Variants in LINGO2 observed in about 807,000 individuals in gnomAD.
The protein encoded by LINGO2 is leucine rich repeat and Ig domain containing 2, also known as leucine-rich repeat and immunoglobulin-like domain-containing nogo receptor-interacting protein 2.
In LINGO2, 14 loss-of-function variants were observed where a neutral mutation model predicts 30.6. The ratio of observed to expected loss-of-function variants is 0.46; its 90% CI spans 0.30 to 0.72. LINGO2 has a LOEUF of 0.72. Ranked by LOEUF, LINGO2 falls within the 30% of genes least tolerant of loss-of-function variation. The pLI is 0.07. For synonymous variants in LINGO2, 317 were observed against 288.5 expected (o/e 1.10, Z -1.00); for missense variants, 729 against 751.7 (o/e 0.97, Z 0.35).
At chr9:27,992,388 A>G (rs1233627617) in intron 5 of LINGO2, among the ~76,000 whole-genome samples, 3 of 152,168 alleles carry the variant, frequency 2.0e-5, no homozygotes. Context: ...GCACTTACAT[A>G]AAATTATTCA....
intron 4 of LINGO2, among the ~76,000 whole-genome samples, chr9:28,064,722 G>T (rs1291129634): frequency 6.6e-6 from 1 of 152,106 alleles, no homozygotes; most frequent in Non-Finnish European, 1.5e-5. Context: ...GAAGTAAACA[G>T]TTCCAGGCCC....
At chr9:28,957,150 C>A in the LINGO2 span, among the ~76,000 whole-genome samples, 1 of 152,074 alleles carries the variant, frequency 6.6e-6, no homozygotes, top group Non-Finnish European at 1.5e-5. Flanking sequence ...ATTACTTAGT[C>A]TCTTTGGATA....
the LINGO2 span, among the ~76,000 whole-genome samples, chr9:28,796,626 C>A: frequency 6.6e-6 from 1 of 151,894 alleles, no homozygotes. Context: ...AAGACAAGAT[C>A]CACATCATGA....
At chr9:29,206,651 GC>G in the LINGO2 span, among the ~76,000 whole-genome samples, 5 of 152,062 alleles carry the variant, frequency 3.3e-5, no homozygotes, top group Non-Finnish European at 4.4e-5. Context: ...ATTTTGTATA[GC>G]CTTGGGAACA....
At chr9:28,276,478 T>G (rs1351029305) in intron 4 of LINGO2, among the ~76,000 whole-genome samples, 1 of 152,202 alleles carries the variant, frequency 6.6e-6, no homozygotes, top group East Asian at 1.9e-4. Context: ...TGTCACTTGC[T>G]AACATGCCCT....
chr9:28,163,354 G>A (rs1001785828), intron 4 of LINGO2, among the ~76,000 whole-genome samples: 1 of 152,104 alleles, frequency 6.6e-6, no homozygotes, highest in African/African-American at 2.4e-5. Flanking sequence ...ATGCCAAGAG[G>A]TTAGTAATAA....
At position 28,504,227 on chromosome 9, in the gene LINGO2, T is replaced by C. The variant is rs1465064885; in HGVS notation, c.-364-28202A>G. ...AACAATCATACTTCCATCATTTCTC[T>C]ATATTTTCCCACATACTTATATATT... On this transcript the variant is annotated intron_variant, in intron 1 of 5. Transcript: ENST00000379992. Among the ~76,000 whole-genome samples the C allele has an allele frequency of 2.6e-5, 4 of 152,076 alleles. No individual in the cohort carries two copies. In the East Asian group the frequency reaches 5.8e-4, roughly 22 times the overall value.
intron 4 of LINGO2, among the ~76,000 whole-genome samples, chr9:28,082,833 C>G (rs1270127221): frequency 6.6e-6 from 1 of 152,114 alleles, no homozygotes; most frequent in Non-Finnish European, 1.5e-5. Flanking sequence ...ATCTCATTAT[C>G]CTTCAGTCGG....
intron 4 of LINGO2, among the ~76,000 whole-genome samples, chr9:28,176,191 C>T (rs1828745405): frequency 6.6e-6 from 1 of 152,176 alleles, no homozygotes; most frequent in Admixed American, 6.5e-5. Context: ...TCACAGGAGG[C>T]TACTCTGTTA....
At chr9:28,503,383 A>G (rs951734730) in intron 1 of LINGO2, among the ~76,000 whole-genome samples, 1 of 152,080 alleles carries the variant, frequency 6.6e-6, no homozygotes, top group African/African-American at 2.4e-5. Flanking sequence ...TGTTTTCTTA[A>G]AAAGTCTATT....
chr9:28,961,964 C>T, the LINGO2 span, among the ~76,000 whole-genome samples: 1 of 152,142 alleles, frequency 6.6e-6, no homozygotes, highest in Non-Finnish European at 1.5e-5. Context: ...TGTATCATAA[C>T]CTTTGTTGCC....
chr9:28,799,301 A>G, the LINGO2 span, among the ~76,000 whole-genome samples: 10 of 152,076 alleles, frequency 6.6e-5, no homozygotes, highest in Admixed American at 6.6e-4. Context: ...GTCTAATGAT[A>G]TAAAATTCAA....
At chr9:28,935,360 T>A in the LINGO2 span, among the ~76,000 whole-genome samples, 1 of 152,096 alleles carries the variant, frequency 6.6e-6, no homozygotes, top group African/African-American at 2.4e-5. Flanking sequence ...CTTGGTGCAA[T>A]ACCCCATTAT....
intron 1 of LINGO2, among the ~76,000 whole-genome samples, chr9:28,478,847 T>G (rs1188223201): frequency 6.6e-6 from 1 of 152,068 alleles, no homozygotes; most frequent in Non-Finnish European, 1.5e-5. Flanking sequence ...ACCTTTAAAT[T>G]TAATAACACA....
chr9:28,778,451 C>T, the LINGO2 span, among the ~76,000 whole-genome samples: 1 of 152,112 alleles, frequency 6.6e-6, no homozygotes, highest in East Asian at 1.9e-4. Context: ...GAAGACACCA[C>T]CTTACTACTA....
chr9:28,260,686 AC>A (rs1033660003), intron 4 of LINGO2, among the ~76,000 whole-genome samples: 1 of 151,750 alleles, frequency 6.6e-6, no homozygotes, highest in African/African-American at 2.4e-5. Context: ...TTATACCTAT[AC>A]CTGTACATCA....
the LINGO2 span, among the ~76,000 whole-genome samples, chr9:29,011,643 G>A: frequency 1.3e-5 from 2 of 152,184 alleles, no homozygotes; most frequent in South Asian, 4.1e-4. Flanking sequence ...TTTAATAGGT[G>A]GCCATGACCC....
chr9:28,567,944 A>C (rs1823470283), intron 1 of LINGO2, among the ~76,000 whole-genome samples: 1 of 152,210 alleles, frequency 6.6e-6, no homozygotes, highest in Admixed American at 6.5e-5. Flanking sequence ...GTCAGTTCGA[A>C]CAAGCAAAGC....
At position 27,950,461 on chromosome 9, in the gene LINGO2, T is replaced by C. The variant is rs780264346; in HGVS notation, c.211A>G (p.Ser71Gly). The change falls in exon 6 of 6, where the codon AGC becomes GGC. Residue 71 changes from serine to glycine, a missense_variant. By Grantham distance (56) the Ser-to-Gly change is moderately conservative. Coordinates refer to ENST00000379992, the Ensembl canonical transcript of LINGO2. ...GATATGAATTCTTCAGGGTTGACGC[T>C]TTTTAGCCTGTTTTTACTGAGGTCC... The C allele has an allele frequency of 3.7e-6, 6 of 1,608,372 alleles. No homozygotes were observed. In the South Asian group the frequency reaches 6.6e-5, roughly 18 times the overall value.
Sources: gnomAD v4.1 joint callset for allele counts (sites outside exome capture counted in the v4.1 genomes callset) on GRCh38, gnomAD v4.1.1 for gene constraint, MANE v1.5 for transcripts, NCBI Gene and HGNC (gene_info 2026-07-23, HGNC 2026-07-21) for gene names.